DLG2: variants seen among roughly 807,000 people sequenced by gnomAD.
DLG2 encodes the protein discs large MAGUK scaffold protein 2.
In DLG2, 45 loss-of-function variants were observed where a neutral mutation model predicts 132.5. That is an observed-to-expected ratio of 0.34 (90% confidence interval 0.27 to 0.44). The LOEUF is 0.44. Among genes scored for constraint, DLG2 ranks in the 20% least tolerant of loss-of-function variants. DLG2 has a pLI of 1.00. For synonymous variants in DLG2, 424 were observed against 419.6 expected (o/e 1.01, Z -0.13); for missense variants, 1,045 against 1,196.9 (o/e 0.87, Z 1.87).
At chr11:83,762,755 G>T (rs1198555924) in intron 18 of DLG2, among the ~76,000 whole-genome samples, 1 of 151,820 alleles carries the variant, frequency 6.6e-6, no homozygotes, top group East Asian at 1.9e-4. Context: ...TAATTTTTTT[G>T]TATTTTTAGT....
At chr11:84,566,338 T>C (rs2099455500) in intron 6 of DLG2, among the ~76,000 whole-genome samples, 1 of 152,172 alleles carries the variant, frequency 6.6e-6, no homozygotes, top group Non-Finnish European at 1.5e-5. Context: ...CTTTCCCAGA[T>C]ACATACTATT....
At chr11:84,059,097 A>G (rs1367653131) in intron 11 of DLG2, among the ~76,000 whole-genome samples, 1 of 152,128 alleles carries the variant, frequency 6.6e-6, no homozygotes, top group African/African-American at 2.4e-5. Context: ...TTTGTTTTTA[A>G]GGATGTTTCT....
intron 7 of DLG2, among the ~76,000 whole-genome samples, chr11:84,367,871 G>T (rs1209360427): frequency 6.6e-6 from 1 of 152,032 alleles, no homozygotes; most frequent in African/African-American, 2.4e-5. Context: ...ACAGAAAATG[G>T]ACTAAGACAC....
chr11:83,756,501 A>C (rs1593754171), intron 18 of DLG2, among the ~76,000 whole-genome samples: 1 of 151,656 alleles, frequency 6.6e-6, no homozygotes, highest in African/African-American at 2.4e-5. Flanking sequence ...CCTGGCTCTA[A>C]GGCCAGACTT....
chr11:84,871,382 C>G (rs1223538628), intron 6 of DLG2, among the ~76,000 whole-genome samples: 1 of 152,164 alleles, frequency 6.6e-6, no homozygotes, highest in African/African-American at 2.4e-5. Context: ...TTTGGAAAGC[C>G]ATTAAAACTA....
intron 22 of DLG2, among the ~76,000 whole-genome samples, chr11:83,483,910 T>C (rs568743049): frequency 6.6e-6 from 1 of 152,238 alleles, no homozygotes; most frequent in Non-Finnish European, 1.5e-5. Context: ...AGTCCCAGTT[T>C]TGGCAAGTCT....
intron 4 of DLG2, among the ~76,000 whole-genome samples, chr11:85,221,555 A>G (rs1308229478): frequency 6.6e-6 from 1 of 152,210 alleles, no homozygotes; most frequent in Non-Finnish European, 1.5e-5. Flanking sequence ...TGTTTTGTTT[A>G]AATCCAATAA....
chr11:85,272,531 T>C (rs992778320), intron 4 of DLG2, among the ~76,000 whole-genome samples: 25 of 152,160 alleles, frequency 1.6e-4, no homozygotes, highest in Admixed American at 1.5e-3. Context: ...CTTCAACTGA[T>C]TGTATAGGTC....
At chr11:84,560,210 T>C (rs1592361128) in intron 6 of DLG2, among the ~76,000 whole-genome samples, 1 of 152,168 alleles carries the variant, frequency 6.6e-6, no homozygotes, top group East Asian at 1.9e-4. Context: ...ATTGTATTGA[T>C]TTTAGCCAAT....
chr11:84,463,393 G>A (rs1024756966), intron 7 of DLG2, among the ~76,000 whole-genome samples: 2 of 151,124 alleles, frequency 1.3e-5, no homozygotes, highest in African/African-American at 4.8e-5. Context: ...AAGAGAGAAA[G>A]TGATGCTATC....
At chr11:83,801,682 G>T (rs997756838) in intron 17 of DLG2, among the ~76,000 whole-genome samples, 3 of 151,876 alleles carry the variant, frequency 2.0e-5, no homozygotes, top group Non-Finnish European at 4.4e-5. Context: ...ATTGAAAGTA[G>T]CCTCCCAGCC....
chr11:84,941,826 C>A (rs1303164015), intron 6 of DLG2, among the ~76,000 whole-genome samples: 5 of 151,616 alleles, frequency 3.3e-5, no homozygotes, highest in African/African-American at 7.3e-5. Context: ...GGTATCAATT[C>A]TTTTTCAAAT....
At chr11:85,570,129 G>A (rs1285171942) in intron 3 of DLG2, among the ~76,000 whole-genome samples, 2 of 151,904 alleles carry the variant, frequency 1.3e-5, no homozygotes, top group Non-Finnish European at 1.5e-5. Context: ...AAGTTAAAAT[G>A]TTTTTTAAAA....
intron 3 of DLG2, among the ~76,000 whole-genome samples, chr11:85,340,279 C>A (rs2082395652): frequency 6.6e-6 from 1 of 152,144 alleles, no homozygotes; most frequent in Non-Finnish European, 1.5e-5. Flanking sequence ...GAAAATGTGG[C>A]ACATATACAC....
chr11:84,998,778 C>G (rs918049193), intron 6 of DLG2, among the ~76,000 whole-genome samples: 6 of 151,900 alleles, frequency 3.9e-5, no homozygotes, highest in Non-Finnish European at 8.8e-5. Flanking sequence ...GGGTCCAATT[C>G]CAACTGCCCA....
intron 6 of DLG2, chr11:84,997,440 G>C (rs2057765770): frequency 6.6e-6 from 1 of 152,148 alleles, no homozygotes; most frequent in African/African-American, 2.4e-5. Flanking sequence ...CCATCCTTCA[G>C]AAGATGCATC....
chr11:84,763,716 C>A (rs1392446498), intron 6 of DLG2, among the ~76,000 whole-genome samples: 2 of 152,246 alleles, frequency 1.3e-5, no homozygotes, highest in South Asian at 2.1e-4. Flanking sequence ...CAGATGAGTG[C>A]CAGGTATACA....
intron 6 of DLG2, among the ~76,000 whole-genome samples, chr11:85,068,157 T>A (rs2065217264): frequency 6.6e-6 from 1 of 152,056 alleles, no homozygotes. Context: ...TATCTCAAAA[T>A]AATAAGAGCT....
At chr11:83,787,556 C>T (rs945407347) in intron 17 of DLG2, among the ~76,000 whole-genome samples, 2 of 151,900 alleles carry the variant, frequency 1.3e-5, no homozygotes, top group East Asian at 1.9e-4. Flanking sequence ...CTCCTGACCT[C>T]GTGATCCGCC....
Sources: allele counts gnomAD v4.1 joint callset (sites outside exome capture counted in the v4.1 genomes callset), GRCh38; gene constraint gnomAD v4.1.1; transcripts MANE v1.5; gene names NCBI Gene and HGNC (gene_info 2026-07-23, HGNC 2026-07-21).